PRCP: variants seen among roughly 807,000 people sequenced by gnomAD.
PRCP encodes lysosomal Pro-X carboxypeptidase.
A neutral mutation model predicts 54.2 loss-of-function variants in PRCP; 46 were observed. The ratio of observed to expected loss-of-function variants is 0.85; its 90% CI spans 0.67 to 1.09. The LOEUF (loss-of-function observed/expected upper bound fraction) is 1.09, where lower values mean the gene tolerates loss of function less well. PRCP is among the 50% of genes least tolerant of loss of function. PRCP has a pLI of 0.00. For synonymous variants in PRCP, 240 were observed against 212.2 expected (o/e 1.13, Z -1.14); for missense variants, 613 against 596.8 (o/e 1.03, Z -0.28).
intron 1 of PRCP, among the ~76,000 whole-genome samples, chr11:82,872,235 C>T (rs778510369): frequency 9.2e-5 from 14 of 152,088 alleles, no homozygotes; most frequent in Admixed American, 3.9e-4. Context: ...GTATCCCCCG[C>T]GAAGAAGGGA....
At chr11:82,850,123 A>ATT in intron 4 of PRCP, 52 bp from the exon 5 acceptor site, 1 of 852,994 alleles carries the variant, frequency 1.2e-6, no homozygotes, top group Non-Finnish European at 1.6e-6. Flanking sequence ...AAATATATAT[A>ATT]TATATTATAT....
intron 1 of PRCP, among the ~76,000 whole-genome samples, chr11:82,862,975 GCAGA>G (rs1020521155): frequency 2.6e-5 from 4 of 152,176 alleles, no homozygotes; most frequent in African/African-American, 7.2e-5. Flanking sequence ...GGCAAGAAAG[GCAGA>G]CAGACAGTGA....
At chr11:82,871,189 T>G (rs997316687) in intron 1 of PRCP, among the ~76,000 whole-genome samples, 1 of 149,896 alleles carries the variant, frequency 6.7e-6, no homozygotes, top group African/African-American at 2.4e-5. Context: ...TTTTTTTTTT[T>G]TTTTTTTTTG....
intron 2 of PRCP, chr11:82,858,348 C>G (rs1859136810): frequency 6.6e-6 from 1 of 152,206 alleles, no homozygotes; most frequent in Non-Finnish European, 1.5e-5. Flanking sequence ...GAAGCCTTCA[C>G]TCTCGACCAC....
intron 7 of PRCP, 129 bp from the exon 8 acceptor site, chr11:82,838,703 GC>G (rs1410058979): frequency 3.7e-6 from 3 of 802,658 alleles, no homozygotes; most frequent in Admixed American, 3.1e-5. Context: ...CAGCTTCAAC[GC>G]CCTGTTCTTT....
intron 1 of PRCP, among the ~76,000 whole-genome samples, chr11:82,862,166 C>G (rs145076607): frequency 3.3e-5 from 5 of 152,068 alleles, no homozygotes; most frequent in Admixed American, 1.3e-4. Flanking sequence ...GACCTAAAGA[C>G]TTGTTCATTT....
intron 8 of PRCP, chr11:82,826,001 T>A (rs1858223390): frequency 6.6e-6 from 1 of 152,220 alleles, no homozygotes; most frequent in African/African-American, 2.4e-5. Flanking sequence ...AATTTGTCCA[T>A]CTAAAACACA....
intron 6 of PRCP, among the ~76,000 whole-genome samples, chr11:82,841,266 G>T (rs34767305): frequency 6.9e-6 from 1 of 144,164 alleles, no homozygotes; most frequent in Non-Finnish European, 1.5e-5. Context: ...CTGCCAGCGG[G>T]GGAAAAAAAA....
rs761518160 is a variant in PRCP at position 82,849,057 on chromosome 11, G to A, written c.913C>T (p.Pro305Ser). 1.2e-6 allele frequency: 2 copies of A among 1,613,082 alleles called. No homozygotes were observed. Among genetic ancestry groups the A allele is most frequent in the Non-Finnish European group, 1.7e-6 (2 of 1,179,532 alleles). Residue 305 changes from proline to serine, a missense_variant, in exon 6 of 9, where the codon CCT becomes TCT. By Grantham distance (74) the Pro-to-Ser change is moderately conservative. Coordinates refer to ENST00000313010, the MANE Select transcript of PRCP (RefSeq NM_005040.4). Reference protein sequence around the residue: ...SNFLQPLPAWPIKVVCQYLKN... With the variant: ...SNFLQPLPAWSIKVVCQYLKN... Reference sequence around the variant, plus strand: ...GGACATTTTCCTATTACCTTGATAGGCCAAGCAGGCAAAGGCTGTAAAAAG... The same window carrying A: ...GGACATTTTCCTATTACCTTGATAGACCAAGCAGGCAAAGGCTGTAAAAAG...
intron 8 of PRCP, chr11:82,835,882 T>A: frequency 6.8e-5 from 31 of 458,126 alleles, no homozygotes; most frequent in South Asian, 4.8e-4. Flanking sequence ...AGATCCCAGA[T>A]GAGGATGGAA....
chr11:82,847,578 C>T (rs138098179), intron 6 of PRCP, among the ~76,000 whole-genome samples: 2,566 of 152,180 alleles, frequency 0.017, 35 homozygotes, highest in Middle Eastern at 0.099. Flanking sequence ...TTTAGTTTTT[C>T]CCTATCATTT....
At chr11:82,876,361 G>C (rs1859602435) in intron 1 of PRCP, among the ~76,000 whole-genome samples, 1 of 152,202 alleles carries the variant, frequency 6.6e-6, no homozygotes, top group African/African-American at 2.4e-5. Flanking sequence ...AGTACTCCCA[G>C]TGACTGATAA....
chr11:82,897,979 T>A (rs1490015715), intron 1 of PRCP, among the ~76,000 whole-genome samples: 1 of 152,210 alleles, frequency 6.6e-6, no homozygotes. Context: ...GTTTTAATAA[T>A]AAGTTTATTA....
chr11:82,874,982 A>C (rs113362984), intron 1 of PRCP, among the ~76,000 whole-genome samples: 2,070 of 152,134 alleles, frequency 0.014, 46 homozygotes, highest in African/African-American at 0.047. Context: ...ATTTATACAT[A>C]CATGTCTTAT....
At chr11:82,866,774 T>C (rs916192494) in intron 1 of PRCP, among the ~76,000 whole-genome samples, 5 of 151,784 alleles carry the variant, frequency 3.3e-5, no homozygotes, top group African/African-American at 1.2e-4. Flanking sequence ...CAGGCTGGAG[T>C]GCAGGGGCGT....
intron 6 of PRCP, 124 bp from the exon 7 acceptor site, chr11:82,839,549 A>T (rs548346756): frequency 1.9e-6 from 2 of 1,040,518 alleles, no homozygotes; most frequent in Non-Finnish European, 2.8e-6. Flanking sequence ...TACTAACTGC[A>T]GTGTTTAATT....
intron 1 of PRCP, among the ~76,000 whole-genome samples, chr11:82,885,875 C>A (rs1167962441): frequency 6.6e-6 from 1 of 152,182 alleles, no homozygotes; most frequent in Admixed American, 6.5e-5. Flanking sequence ...GAGCACCAAG[C>A]TTCAGGAGAG....
At chr11:82,848,726 T>C (rs138154032) in intron 6 of PRCP, among the ~76,000 whole-genome samples, 8 of 152,318 alleles carry the variant, frequency 5.3e-5, no homozygotes, top group Non-Finnish European at 7.3e-5. Context: ...ACATTATACA[T>C]GCAAAGTACA....
chr11:82,843,350 C>A (rs1406952657), intron 6 of PRCP: 1 of 151,120 alleles, frequency 6.6e-6, no homozygotes, highest in Non-Finnish European at 1.5e-5. Flanking sequence ...GAGATATTCA[C>A]ATACTTTTAT....
Sources: gnomAD v4.1 joint callset for allele counts (sites outside exome capture counted in the v4.1 genomes callset) on GRCh38, gnomAD v4.1.1 for gene constraint, MANE v1.5 for transcripts, NCBI Gene and HGNC (gene_info 2026-07-23, HGNC 2026-07-21) for gene names.